The following SRPK2 variants were observed in gnomAD, a reference collection of about 807,000 sequenced individuals.
SRPK2 encodes SRSF protein kinase 2.
Under a neutral mutation model 90.8 loss-of-function variants are expected in SRPK2, and 21 were observed. The ratio of observed to expected loss-of-function variants is 0.23; its 90% CI spans 0.16 to 0.33. The LOEUF is 0.33. Ranked by LOEUF, SRPK2 falls within the 10% of genes least tolerant of loss-of-function variation. The pLI is 1.00. For synonymous variants in SRPK2, 288 were observed against 311.1 expected, an observed-to-expected ratio of 0.93 and a Z score of 0.78; for missense variants, 620 against 869.0, an observed-to-expected ratio of 0.71 and a Z score of 3.60.
intron 2 of SRPK2, among the ~76,000 whole-genome samples, chr7:105,314,978 TAAAG>T (rs2131444061): frequency 6.6e-6 from 1 of 152,234 alleles, no homozygotes; most frequent in Non-Finnish European, 1.5e-5. Context: ...ATTTTTCTAA[TAAAG>T]AAACAATTTA....
At chr7:105,314,651 T>C (rs1237122193) in intron 2 of SRPK2, among the ~76,000 whole-genome samples, 1 of 152,208 alleles carries the variant, frequency 6.6e-6, no homozygotes, top group Non-Finnish European at 1.5e-5. Context: ...CCCAAAGTGC[T>C]GGGATTGCAG....
intron 7 of SRPK2, 142 bp from the exon 8 acceptor site, chr7:105,146,800 C>A: frequency 1.2e-6 from 1 of 809,618 alleles, no homozygotes; most frequent in Non-Finnish European, 1.9e-6. Flanking sequence ...ATCTCCCTCC[C>A]ATGCCTACCC....
chr7:105,138,798 C>CAAA (rs1803267107), intron 11 of SRPK2, among the ~76,000 whole-genome samples: 1 of 152,016 alleles, frequency 6.6e-6, no homozygotes. Flanking sequence ...GATCCTGTCT[C>CAAA]AAAATAATAA....
chr7:105,133,221 G>A (rs887466448), intron 11 of SRPK2, 117 bp from the exon 12 acceptor site: 27 of 891,082 alleles, frequency 3.0e-5, no homozygotes, highest in Non-Finnish European at 4.7e-5. Context: ...GATCACTTAG[G>A]CCTGGAATAC....
At chr7:105,279,169 G>A (rs373404875) in intron 2 of SRPK2, among the ~76,000 whole-genome samples, 2 of 151,178 alleles carry the variant, frequency 1.3e-5, no homozygotes, top group East Asian at 2.0e-4. Context: ...TGTCATGTTC[G>A]CTCCAAACTT....
chr7:105,384,941 A>G (rs1179014467), intron 2 of SRPK2, among the ~76,000 whole-genome samples: 4 of 151,632 alleles, frequency 2.6e-5, no homozygotes, highest in Non-Finnish European at 5.9e-5. Context: ...CAGTGGCGCA[A>G]TCTCGGCTCA....
Position 105,229,808 on chromosome 7 carries a change from T to TG in SRPK2, c.72-26024dup, listed in dbSNP as rs537322288. Among the ~76,000 whole-genome samples, 13 of 45,604 alleles carry TG rather than the reference T, an allele frequency of 2.9e-4. No homozygotes were observed. In the South Asian group the frequency reaches 7.6e-3, roughly 27 times the overall value. The allele number at this position is 45,604 out of a possible 152,430, so 29.9% of individuals were successfully genotyped here. A position where few individuals can be genotyped will look rare whatever the true frequency, so the allele number is the denominator to read the frequency against. On this transcript the variant is annotated intron_variant, in intron 2 of 15. Transcript: ENST00000393651. ...GCTGTGTTCAGCCAGAGGCAGTGGGTGGGGGGGAATGGGGGTGGGATAAAA... is the reference window on the plus strand; with the variant it reads ...GCTGTGTTCAGCCAGAGGCAGTGGGTGGGGGGGGAATGGGGGTGGGATAAAA...
At chr7:105,277,299 A>T (rs1806652576) in intron 2 of SRPK2, among the ~76,000 whole-genome samples, 1 of 151,990 alleles carries the variant, frequency 6.6e-6, no homozygotes, top group Non-Finnish European at 1.5e-5. Context: ...GATGGTCTTG[A>T]TCTCCTGACC....
chr7:105,220,764 A>G (rs994818476), intron 2 of SRPK2, among the ~76,000 whole-genome samples: 1 of 151,502 alleles, frequency 6.6e-6, no homozygotes, highest in Admixed American at 6.6e-5. Context: ...TTTTTTTTCC[A>G]TCAAGACATC....
intron 3 of SRPK2, among the ~76,000 whole-genome samples, chr7:105,184,810 T>G (rs1793364225): frequency 6.6e-6 from 1 of 152,236 alleles, no homozygotes; most frequent in African/African-American, 2.4e-5. Context: ...AATCTGGTTA[T>G]CCCCTAATAA....
chr7:105,167,296 G>T, intron 6 of SRPK2, 81 bp downstream of exon 6: 1 of 1,178,146 alleles, frequency 8.5e-7, no homozygotes, highest in Non-Finnish European at 1.2e-6. Context: ...TGATACAGCA[G>T]TAAACAGAGA....
At position 105,201,284 on chromosome 7, in the gene SRPK2, T is replaced by TA. The variant is rs554202492; in HGVS notation, c.229+2343dup. 1.8e-4 allele frequency among the ~76,000 whole-genome samples: 27 copies of TA among 152,254 alleles called. 2 individuals are homozygous for TA. In the South Asian group the frequency reaches 4.6e-3, roughly 26 times the overall value. On this transcript the variant is annotated intron_variant, in intron 3 of 15. Coordinates refer to ENST00000393651, the MANE Select transcript of SRPK2 (RefSeq NM_182692.3). ...ATGCTAACTAAAGGTACAAGTTACT[T>TA]ACCAAATTTGGGGGGGGCTGGCACG...
upstream of SRPK2, among the ~76,000 whole-genome samples, chr7:105,390,240 A>C (rs1348977049): frequency 1.3e-5 from 2 of 152,176 alleles, no homozygotes; most frequent in African/African-American, 2.4e-5. Context: ...AATACAATGT[A>C]ATCATCTGTA....
chr7:105,363,044 G>C (rs1159616150), intron 2 of SRPK2, among the ~76,000 whole-genome samples: 2 of 152,000 alleles, frequency 1.3e-5, no homozygotes, highest in Admixed American at 6.6e-5. Flanking sequence ...TCGTGGGGTG[G>C]GGGGAGAGGG....
intron 5 of SRPK2, 137 bp from the exon 6 acceptor site, chr7:105,167,601 T>C (rs971764369): frequency 2.4e-6 from 1 of 413,856 alleles, no homozygotes; most frequent in Non-Finnish European, 4.1e-6. Flanking sequence ...AAATAAACTT[T>C]ATTTATTTAT....
intron 2 of SRPK2, chr7:105,204,670 T>C: frequency 1.0e-6 from 1 of 976,140 alleles, no homozygotes; most frequent in South Asian, 1.3e-5. Flanking sequence ...CCTTGGGGCA[T>C]TTCTGCAACG....
intron 7 of SRPK2, among the ~76,000 whole-genome samples, chr7:105,153,364 AG>A (rs1429140552): frequency 6.6e-6 from 1 of 152,166 alleles, no homozygotes; most frequent in Non-Finnish European, 1.5e-5. Context: ...CTTCAAAATA[AG>A]GGGCTTGGTT....
chr7:105,181,477 C>G (rs1245221728), intron 3 of SRPK2, among the ~76,000 whole-genome samples: 1 of 152,138 alleles, frequency 6.6e-6, no homozygotes, highest in East Asian at 1.9e-4. Flanking sequence ...TGCTCATCAA[C>G]AGTAGACTGG....
chr7:105,380,814 G>A (rs998847370), intron 2 of SRPK2, among the ~76,000 whole-genome samples: 2 of 151,784 alleles, frequency 1.3e-5, no homozygotes, highest in African/African-American at 2.4e-5. Flanking sequence ...AAGCTACCAC[G>A]CCCAGCTGCT....
Sources: allele counts gnomAD v4.1 joint callset (sites outside exome capture counted in the v4.1 genomes callset), GRCh38; gene constraint gnomAD v4.1.1; transcripts MANE v1.5; gene names NCBI Gene and HGNC (gene_info 2026-07-23, HGNC 2026-07-21).